The following CDH23 variants were observed in gnomAD, a reference collection of about 807,000 sequenced individuals.
CDH23 encodes the protein cadherin related 23, also known as cadherin-23.
CDH23 carries 189 observed loss-of-function variants against 317.1 expected under a neutral mutation model. The ratio of observed to expected loss-of-function variants is 0.60; its 90% CI spans 0.53 to 0.67. The LOEUF (loss-of-function observed/expected upper bound fraction) is 0.67. Among genes scored for constraint, CDH23 ranks in the 30% least tolerant of loss-of-function variants. CDH23 has a pLI of 0.00. For missense variants in CDH23, 4,401 were observed against 4,592.4 expected, an observed-to-expected ratio of 0.96 and a Z score of 1.20; for synonymous variants, 1,839 against 1,876.8, an observed-to-expected ratio of 0.98 and a Z score of 0.52.
At chr10:71,716,337 T>C in intron 28 of CDH23, 1 of 1,471,582 alleles carries the variant, frequency 6.8e-7, no homozygotes, top group Non-Finnish European at 9.0e-7. Context: ...TCTGTGCTCA[T>C]GGCTCCTGCA....
At chr10:71,410,917 CAA>C (rs1347730068) in intron 1 of CDH23, among the ~76,000 whole-genome samples, 1 of 152,112 alleles carries the variant, frequency 6.6e-6, no homozygotes, top group African/African-American at 2.4e-5. Flanking sequence ...TTGGCTATTA[CAA>C]AAGAGGCTGT....
intron 6 of CDH23, among the ~76,000 whole-genome samples, chr10:71,515,394 T>TCTCTCTCACACA (rs1491490493): frequency 3.0e-3 from 81 of 26,692 alleles, no homozygotes; most frequent in African/African-American, 6.6e-3. Flanking sequence ...TCTCTCTCTC[T>TCTCTCTCACACA]CACACACACA....
intron 28 of CDH23, among the ~76,000 whole-genome samples, chr10:71,721,931 G>A (rs1032214839): frequency 1.3e-5 from 2 of 152,170 alleles, no homozygotes; most frequent in Admixed American, 6.5e-5. Flanking sequence ...CAGCACAAAT[G>A]TTCTTCCCAA....
intron 14 of CDH23, among the ~76,000 whole-genome samples, chr10:71,650,146 T>C (rs1239106786): frequency 6.6e-6 from 1 of 152,198 alleles, no homozygotes; most frequent in Non-Finnish European, 1.5e-5. Flanking sequence ...TAGGTGGCGC[T>C]CAAGACTTTT....
intron 8 of CDH23, among the ~76,000 whole-genome samples, chr10:71,573,030 C>T (rs1159428565): frequency 6.6e-6 from 1 of 152,242 alleles, no homozygotes; most frequent in Non-Finnish European, 1.5e-5. Context: ...AATCAAACGG[C>T]CTCCTGACCA....
chr10:71,452,589 C>A (rs1850501547), intron 3 of CDH23, among the ~76,000 whole-genome samples: 1 of 152,188 alleles, frequency 6.6e-6, no homozygotes, highest in Admixed American at 6.5e-5. Flanking sequence ...GCTTCTGAAG[C>A]CTCCCCAGCC....
At chr10:71,599,990 C>CTTTTTTT (rs1174206523) in intron 9 of CDH23, among the ~76,000 whole-genome samples, 1 of 109,520 alleles carries the variant, frequency 9.1e-6, no homozygotes, top group South Asian at 3.2e-4. Flanking sequence ...AATGTCTTTC[C>CTTTTTTT]TTTTTTTTTT....
chr10:71,754,149 C>G (rs571639014), intron 38 of CDH23, among the ~76,000 whole-genome samples: 2 of 152,348 alleles, frequency 1.3e-5, no homozygotes, highest in African/African-American at 4.8e-5. Context: ...CCTGCTCCCC[C>G]TGCCCTGCTG....
At chr10:71,533,569 A>ACACC (rs1491567904) in intron 6 of CDH23, among the ~76,000 whole-genome samples, 1 of 109,500 alleles carries the variant, frequency 9.1e-6, no homozygotes. Flanking sequence ...ACACACACAC[A>ACACC]CTGGCTGGGG....
At chr10:71,662,579 GC>G (rs983594560) in intron 14 of CDH23, among the ~76,000 whole-genome samples, 113 of 152,120 alleles carry the variant, frequency 7.4e-4, no homozygotes, top group African/African-American at 2.6e-3. Flanking sequence ...GACTGTCTTT[GC>G]CCCCTTCTCT....
chr10:71,811,805 C>A (rs1486557476), intron 65 of CDH23, 52 bp downstream of exon 65: 1 of 1,511,778 alleles, frequency 6.6e-7, no homozygotes, highest in Admixed American at 2.1e-5. Flanking sequence ...GGGCTGGGGA[C>A]CTGGAGTGCC....
At chr10:71,811,621 G>A (rs1185836119) in intron 64 of CDH23, 31 bp downstream of exon 64, 4 of 1,613,718 alleles carry the variant, frequency 2.5e-6, no homozygotes, top group South Asian at 1.1e-5. Context: ...CCATCAGGGG[G>A]CCGACCACCT....
chr10:71,665,482 A>T (rs770614147), intron 14 of CDH23, among the ~76,000 whole-genome samples: 2 of 152,222 alleles, frequency 1.3e-5, no homozygotes. Context: ...AGGGAAGAGA[A>T]GGAGCAGCAA....
chr10:71,658,707 G>C (rs1863520502), intron 14 of CDH23, among the ~76,000 whole-genome samples: 1 of 152,172 alleles, frequency 6.6e-6, no homozygotes, highest in African/African-American at 2.4e-5. Flanking sequence ...GGGGCCCGGA[G>C]AGGTGAGCGG....
chr10:71,730,001 A>AT (rs1374087210), intron 30 of CDH23, among the ~76,000 whole-genome samples: 1 of 151,836 alleles, frequency 6.6e-6, no homozygotes, highest in African/African-American at 2.4e-5. Flanking sequence ...CGCCCGGCTA[A>AT]TTTTTTGTAT....
intron 34 of CDH23, chr10:71,737,718 C>T (rs1172904255): frequency 2.1e-6 from 1 of 470,912 alleles, no homozygotes; most frequent in Non-Finnish European, 4.4e-6. Context: ...ATCAGTGAAC[C>T]CCTGGGTACC....
chr10:71,811,421 A>C lies in CDH23; in HGVS notation c.9184A>C (p.Met3062Leu). Reference protein sequence around the residue: ...PAISVRLPDDMSALQMAIIVL... With the variant: ...PAISVRLPDDLSALQMAIIVL... ...CATCTCTGTCCGGCTGCCGGATGAC[A>C]TGTCTGCCCTGCAGGTACCCGGCGA... Residue 3062 changes from methionine (M) to leucine (L), a missense_variant, in exon 63 of 70, where the codon ATG becomes CTG. Physicochemically the swap from Met to Leu is conservative, Grantham distance 15. Coordinates refer to ENST00000224721, the MANE Select transcript of CDH23 (RefSeq NM_022124.6). 1 of 1,613,974 alleles carries C rather than the reference A, an allele frequency of 6.2e-7. No homozygotes were observed. The highest frequency in any genetic ancestry group is 8.5e-7 in the Non-Finnish European group (1 of 1,179,890).
At chr10:71,790,199 T>C (rs1841208058) in intron 45 of CDH23, 89 bp from the exon 46 acceptor site, 2 of 1,532,246 alleles carry the variant, frequency 1.3e-6, no homozygotes, top group South Asian at 1.2e-5. Flanking sequence ...TCATCCATCG[T>C]CAGCCATGGC....
chr10:71,742,907 T>C (rs1839775420), intron 38 of CDH23, among the ~76,000 whole-genome samples: 1 of 152,198 alleles, frequency 6.6e-6, no homozygotes, highest in African/African-American at 2.4e-5. Flanking sequence ...GGCTTCTGCA[T>C]TTGTATGTGG....
Sources: gnomAD v4.1 joint callset for allele counts (sites outside exome capture counted in the v4.1 genomes callset) on GRCh38, gnomAD v4.1.1 for gene constraint, MANE v1.5 for transcripts, NCBI Gene and HGNC (gene_info 2026-07-23, HGNC 2026-07-21) for gene names.